Variants in WNK1 observed in about 807,000 individuals in gnomAD.
WNK1 encodes WNK lysine deficient protein kinase 1, also known as serine/threonine-protein kinase WNK1.
WNK1 carries 38 observed loss-of-function variants against 222.8 expected under a neutral mutation model. The ratio of observed to expected loss-of-function variants is 0.17; its 90% CI spans 0.13 to 0.22. The LOEUF (loss-of-function observed/expected upper bound fraction) is 0.22. WNK1 is among the 10% of genes least tolerant of loss of function. The pLI is 1.00. For missense variants in WNK1, 2,348 were observed against 2,918.4 expected, an observed-to-expected ratio of 0.80 and a Z score of 4.50; for synonymous variants, 1,090 against 1,092.9, an observed-to-expected ratio of 1.00 and a Z score of 0.05.
Position 754,335 on chromosome 12 carries a change from A to G in WNK1, c.759+11A>G. 2 of 1,611,062 alleles carry G rather than the reference A, an allele frequency of 1.2e-6. No homozygotes were observed. The highest frequency in any genetic ancestry group is 1.7e-6 in the Non-Finnish European group (2 of 1,179,526). On this transcript the variant is annotated intron_variant, in intron 1 of 27. Coordinates refer to ENST00000315939, the MANE Select transcript of WNK1 (RefSeq NM_018979.4). ...TGGTGTGAACTGCAGGTAAAGCCCC[A>G]CCTACTTTATTTGACGGTCCTTTGG...
rs542326910 is a variant in WNK1, at chr12:799,644, C to G, written c.760-13998C>G. 9.2e-5 allele frequency among the ~76,000 whole-genome samples: 14 copies of G among 152,202 alleles called. No homozygotes were observed. The East Asian group carries it at 1.9e-3, about 21-fold the overall frequency. ...ATAGCTTGAGACCAAGAATTCAGGG[C>G]CAACCTGGGCAACATAGTGAGACCC... On this transcript the variant is annotated intron_variant, in intron 1 of 27. Transcript: ENST00000315939.
intron 4 of WNK1, among the ~76,000 whole-genome samples, chr12:845,727 A>T (rs1229048372): frequency 6.6e-6 from 1 of 152,182 alleles, no homozygotes; most frequent in Non-Finnish European, 1.5e-5. Context: ...TATCATCAAC[A>T]TCATTATTAT....
chr12:821,152 T>C (rs1947848412), intron 2 of WNK1, among the ~76,000 whole-genome samples: 1 of 151,244 alleles, frequency 6.6e-6, no homozygotes, highest in African/African-American at 2.4e-5. Flanking sequence ...TGTGATATAT[T>C]ATACTGATTA....
intron 8 of WNK1, among the ~76,000 whole-genome samples, chr12:870,011 ATTTGG>A (rs1952006807): frequency 6.6e-6 from 1 of 152,212 alleles, no homozygotes. Context: ...TCATATATTC[ATTTGG>A]TATATTTTAT....
intron 1 of WNK1, among the ~76,000 whole-genome samples, chr12:772,491 A>C (rs1192201248): frequency 6.6e-6 from 1 of 152,080 alleles, no homozygotes; most frequent in Non-Finnish European, 1.5e-5. Flanking sequence ...GCCACCATAC[A>C]GCAGCGTAAT....
chr12:769,069 A>G (rs1363900134), intron 1 of WNK1, among the ~76,000 whole-genome samples: 1 of 152,002 alleles, frequency 6.6e-6, no homozygotes, highest in African/African-American at 2.4e-5. Flanking sequence ...CAGCCTCCCA[A>G]ACTGCTGGGA....
intron 8 of WNK1, among the ~76,000 whole-genome samples, chr12:863,423 A>G (rs919223339): frequency 3.3e-5 from 5 of 152,212 alleles, no homozygotes; most frequent in Admixed American, 6.5e-5. Flanking sequence ...AGGGTAGAAT[A>G]GAAGAACTTT....
At chr12:854,100 GCT>G (rs1328027332) in intron 4 of WNK1, among the ~76,000 whole-genome samples, 1 of 151,858 alleles carries the variant, frequency 6.6e-6, no homozygotes, top group African/African-American at 2.4e-5. Flanking sequence ...AATTGTGTTA[GCT>G]CATGCCAGTA....
chr12:848,799 T>C (rs1950215950), intron 4 of WNK1, among the ~76,000 whole-genome samples: 1 of 152,162 alleles, frequency 6.6e-6, no homozygotes, highest in Non-Finnish European at 1.5e-5. Context: ...CTGTGAATGG[T>C]ACTTTTGTTG....
At chr12:790,764 A>G (rs1031963097) in intron 1 of WNK1, among the ~76,000 whole-genome samples, 4 of 152,118 alleles carry the variant, frequency 2.6e-5, no homozygotes. Flanking sequence ...TATTTTGTTT[A>G]GTGTTTACTC....
chr12:845,440 A>G (rs1949962469), intron 4 of WNK1, among the ~76,000 whole-genome samples: 1 of 152,162 alleles, frequency 6.6e-6, no homozygotes, highest in African/African-American at 2.4e-5. Flanking sequence ...AGTAACCAGT[A>G]AACCACTCTC....
intron 21 of WNK1, 55 bp downstream of exon 21, chr12:889,278 C>A: frequency 7.0e-7 from 1 of 1,436,606 alleles, no homozygotes; most frequent in Non-Finnish European, 9.8e-7. Context: ...TATTATATGC[C>A]TGGGACACAA....
At chr12:899,020 G>A (rs899512077) in intron 25 of WNK1, among the ~76,000 whole-genome samples, 1 of 152,132 alleles carries the variant, frequency 6.6e-6, no homozygotes, top group Non-Finnish European at 1.5e-5. Context: ...GATTACAGGC[G>A]TGAGCCACCG....
chr12:880,934 G>A lies in WNK1; in HGVS notation c.3046G>A (p.Val1016Met). The change falls in exon 12 of 28, where the codon GTG (valine) becomes ATG (methionine). Residue 1016 changes from valine (V) to methionine (M), a missense_variant. Around this residue, in one of 13 missense-constraint regions of WNK1, gnomAD observed 547 missense variants for 558.3 expected, o/e 0.98. Transcript: ENST00000315939. ...PMGGVGGQVQ[V>M]SQPGGSLAQA... ...GGGTGGTGTAGGAGGACAGGTTCAA[G>A]TGTCCCAGCCAGGAGGGAGTTTAGC... 1.2e-6 allele frequency: 2 copies of A among 1,614,160 alleles called. No homozygotes were observed. The highest frequency in any genetic ancestry group is 1.7e-6 in the Non-Finnish European group (2 of 1,180,018).
At chr12:835,322 A>G (rs903319090) in intron 4 of WNK1, among the ~76,000 whole-genome samples, 1 of 152,000 alleles carries the variant, frequency 6.6e-6, no homozygotes, top group Non-Finnish European at 1.5e-5. Context: ...TGGACAATAG[A>G]GTGAAAGCCT....
At chr12:818,837 C>T (rs141933421) in intron 2 of WNK1, among the ~76,000 whole-genome samples, 19 of 152,308 alleles carry the variant, frequency 1.2e-4, no homozygotes, top group African/African-American at 4.6e-4. Context: ...CATTCCATTG[C>T]ATGGAAATAT....
intron 1 of WNK1, among the ~76,000 whole-genome samples, chr12:793,814 T>C (rs901601532): frequency 4.6e-5 from 7 of 152,216 alleles, no homozygotes; most frequent in African/African-American, 1.4e-4. Context: ...GGTTAAAATA[T>C]ACAATTCAGT....
intron 26 of WNK1, among the ~76,000 whole-genome samples, chr12:905,551 C>T (rs1308902389): frequency 6.6e-6 from 1 of 152,054 alleles, no homozygotes; most frequent in Non-Finnish European, 1.5e-5. Context: ...CAGCTCTGCT[C>T]CCCTGTGATT....
intron 4 of WNK1, among the ~76,000 whole-genome samples, chr12:842,729 T>C (rs1192166763): frequency 1.3e-5 from 2 of 152,154 alleles, no homozygotes; most frequent in South Asian, 2.1e-4. Flanking sequence ...ATATGCATTA[T>C]TGGAAGAGGG....
Sources: allele counts gnomAD v4.1 joint callset (sites outside exome capture counted in the v4.1 genomes callset), GRCh38; gene constraint gnomAD v4.1.1; regional missense constraint gnomAD v4.1.1; transcripts MANE v1.5; gene names NCBI Gene and HGNC (gene_info 2026-07-23, HGNC 2026-07-21).